Variants in STX8 observed in about 807,000 individuals in gnomAD.
STX8 encodes the protein syntaxin 8.
In STX8, 23 loss-of-function variants were observed where a neutral mutation model predicts 37.5. The observed-to-expected ratio is 0.61, with a 90% CI of 0.44 to 0.87. STX8 has a LOEUF of 0.87. Among genes scored for constraint, STX8 ranks in the 40% least tolerant of loss-of-function variants. The pLI, the probability that STX8 is intolerant of heterozygous loss-of-function variation, is 0.00. For synonymous variants in STX8, 115 were observed against 99.1 expected, an observed-to-expected ratio of 1.16 and a Z score of -0.95; for missense variants, 313 against 284.7, an observed-to-expected ratio of 1.10 and a Z score of -0.71.
chr17:9,327,168 AAAGAAGAAGAAGAAGG>A (rs1421276333), intron 7 of STX8, among the ~76,000 whole-genome samples: 1 of 151,034 alleles, frequency 6.6e-6, no homozygotes, highest in Non-Finnish European at 1.5e-5. Context: ...AAAAAAAAAA[AAAGAAGAAGAAGAAGG>A]AAGAAGAAGG....
chr17:9,300,281 C>T (rs900573006), intron 7 of STX8, among the ~76,000 whole-genome samples: 8 of 131,782 alleles, frequency 6.1e-5, no homozygotes, highest in East Asian at 2.4e-4. Context: ...CGGTGAGCCA[C>T]GGTGGTGCCA....
At chr17:9,400,243 C>T (rs1183715894) in intron 6 of STX8, among the ~76,000 whole-genome samples, 2 of 151,492 alleles carry the variant, frequency 1.3e-5, no homozygotes, top group Non-Finnish European at 2.9e-5. Context: ...GCTGAGACTA[C>T]AGGCGCCCGC....
At chr17:9,567,120 AG>A (rs1193276212) in intron 2 of STX8, among the ~76,000 whole-genome samples, 1 of 152,278 alleles carries the variant, frequency 6.6e-6, no homozygotes, top group East Asian at 1.9e-4. Flanking sequence ...ATGGATACAT[AG>A]GGGGACATGA....
chr17:9,524,921 C>T (rs1006650012), intron 4 of STX8, among the ~76,000 whole-genome samples: 1 of 151,840 alleles, frequency 6.6e-6, no homozygotes, highest in Admixed American at 6.6e-5. Context: ...AATTCTCCCA[C>T]CTCAGCCTCC....
chr17:9,480,106 T>C (rs1397463665), intron 6 of STX8, among the ~76,000 whole-genome samples: 1 of 152,134 alleles, frequency 6.6e-6, no homozygotes, highest in African/African-American at 2.4e-5. Context: ...TTCGAATAGG[T>C]CCCTGTGTTA....
In STX8 at chr17:9,568,523, C is replaced by T. The variant is rs183365601; in HGVS notation, c.18-53G>A. ...TGTTTAAGGTTCTTTTTTTTTGAGA[C>T]GGAGTCTCGCTCTGTCGCCCAGGCT... On this transcript the variant is annotated intron_variant, in intron 1 of 7. Transcript: ENST00000306357. 1.5e-3 allele frequency: 2,157 copies of T among 1,465,852 alleles called. 14 individuals carry two copies. Among genetic ancestry groups the T allele is most frequent in the South Asian group, 0.011 (890 of 84,044 alleles). The allele number at this position is 1,465,852 out of a possible 1,614,324, so 90.8% of individuals were successfully genotyped here.
chr17:9,376,760 G>A (rs1597633271), intron 7 of STX8, among the ~76,000 whole-genome samples: 1 of 152,124 alleles, frequency 6.6e-6, no homozygotes, highest in South Asian at 2.1e-4. Flanking sequence ...AACATCGGAA[G>A]GAACAAACTC....
intron 6 of STX8, among the ~76,000 whole-genome samples, chr17:9,485,216 T>A (rs574090988): frequency 1.3e-5 from 2 of 152,132 alleles, no homozygotes; most frequent in Non-Finnish European, 2.9e-5. Flanking sequence ...CAAGGCAAGG[T>A]ATCAGGCTAT....
chr17:9,416,876 T>C (rs1411566497), intron 6 of STX8, among the ~76,000 whole-genome samples: 2 of 152,202 alleles, frequency 1.3e-5, no homozygotes, highest in East Asian at 3.8e-4. Context: ...ACCCCAATTG[T>C]TCCTATAGAT....
At chr17:9,342,811 A>G (rs1910407941) in intron 7 of STX8, among the ~76,000 whole-genome samples, 1 of 152,118 alleles carries the variant, frequency 6.6e-6, no homozygotes, top group African/African-American at 2.4e-5. Context: ...GCATGAGGTC[A>G]GGAGTTCAAG....
At chr17:9,431,672 T>G (rs750645869) in intron 6 of STX8, among the ~76,000 whole-genome samples, 1 of 152,198 alleles carries the variant, frequency 6.6e-6, no homozygotes, top group Non-Finnish European at 1.5e-5. Flanking sequence ...GGTAGTCCTC[T>G]TCCCAATTTT....
chr17:9,522,615 G>C (rs1475474958), intron 4 of STX8, among the ~76,000 whole-genome samples: 1 of 152,014 alleles, frequency 6.6e-6, no homozygotes. Context: ...AGGAGGCTGA[G>C]GCAGGAGAAT....
In STX8 at chr17:9,427,608, G is replaced by A. The variant is rs916453736; in HGVS notation, c.542-48955C>T. ...TAGGGAGATGACTTGGACAGCCTAG[G>A]CAAGCAGCTTGGCTGTGGCTGCGGC... is the stretch of plus-strand genomic sequence containing the variant. On this transcript the variant is annotated intron_variant, in intron 6 of 7. Coordinates refer to ENST00000306357, the MANE Select transcript of STX8 (RefSeq NM_004853.3). Among the ~76,000 whole-genome samples the A allele has an allele frequency of 2.6e-5, 4 of 152,154 alleles. 1 individual carries two copies. Among genetic ancestry groups the A allele is most frequent in the Admixed American group, 2.6e-4 (4 of 15,280 alleles).
intron 4 of STX8, among the ~76,000 whole-genome samples, chr17:9,518,078 T>C (rs1482764606): frequency 2.6e-5 from 4 of 152,086 alleles, no homozygotes; most frequent in African/African-American, 9.7e-5. Context: ...TCTCATAATT[T>C]TAACTTTCTA....
At chr17:9,317,414 C>T (rs1489174107) in intron 7 of STX8, among the ~76,000 whole-genome samples, 2 of 152,158 alleles carry the variant, frequency 1.3e-5, no homozygotes, top group African/African-American at 4.8e-5. Flanking sequence ...ACAGACCCTC[C>T]CGCTTACCAA....
intron 4 of STX8, among the ~76,000 whole-genome samples, chr17:9,534,097 C>G (rs1905929496): frequency 6.6e-6 from 1 of 151,420 alleles, no homozygotes; most frequent in Non-Finnish European, 1.5e-5. Context: ...CAAAAAAAGC[C>G]AAGATAAAAA....
chr17:9,261,269 C>T (rs1022424921), intron 7 of STX8, among the ~76,000 whole-genome samples: 4 of 152,182 alleles, frequency 2.6e-5, no homozygotes, highest in Non-Finnish European at 4.4e-5. Flanking sequence ...CCGGCCAGGG[C>T]GAGTCAGGTC....
At chr17:9,573,841 A>T (rs1173468586) in intron 1 of STX8, among the ~76,000 whole-genome samples, 2 of 152,194 alleles carry the variant, frequency 1.3e-5, no homozygotes, top group African/African-American at 4.8e-5. Flanking sequence ...CTAGACAGGG[A>T]GCCCAAGGAA....
At chr17:9,294,246 G>A (rs1490532003) in intron 7 of STX8, among the ~76,000 whole-genome samples, 2 of 152,194 alleles carry the variant, frequency 1.3e-5, no homozygotes, top group Non-Finnish European at 1.5e-5. Context: ...ACACAAGATA[G>A]GAAGGAAAGG....
Sources: allele counts gnomAD v4.1 joint callset (sites outside exome capture counted in the v4.1 genomes callset), GRCh38; gene constraint gnomAD v4.1.1; transcripts MANE v1.5; gene names NCBI Gene and HGNC (gene_info 2026-07-23, HGNC 2026-07-21).